The following ACSBG2 variants were observed in gnomAD, a reference collection of about 807,000 sequenced individuals.
ACSBG2 encodes the protein long-chain-fatty-acid--CoA ligase ACSBG2.
Under a neutral mutation model 74.7 loss-of-function variants are expected in ACSBG2, and 62 were observed. The observed-to-expected ratio is 0.83, with a 90% CI of 0.68 to 1.03. ACSBG2 has a LOEUF of 1.03. ACSBG2 is among the 50% of genes least tolerant of loss of function. The probability of loss-of-function intolerance (pLI) is 0.00; values close to 1 mark genes in which losing one functional copy is unlikely to be tolerated. For missense variants in ACSBG2, 730 were observed against 817.6 expected (o/e 0.89, Z 1.31); for synonymous variants, 309 against 294.1 (o/e 1.05, Z -0.52).
At chr19:6,184,837 A>AG in intron 10 of ACSBG2, among the ~76,000 whole-genome samples, 1 of 96,812 alleles carries the variant, frequency 1.0e-5, no homozygotes, top group Admixed American at 1.1e-4. Flanking sequence ...GAGATGAAAA[A>AG]AAAAAAAAAA....
chr19:6,187,740 C>T lies in ACSBG2; in HGVS notation c.1822C>T (p.Gln608Ter), dbSNP rs1429656255. ...QQDPLVYKAI[Q>*]QGINAVNQEA... Reference sequence around the variant, plus strand: ...AGACCCCCTGGTCTACAAGGCCATCCAGCAAGGCATCAATGCTGTGAACCA... The same window carrying T: ...AGACCCCCTGGTCTACAAGGCCATCTAGCAAGGCATCAATGCTGTGAACCA... Residue 608 changes from glutamine to a stop codon, truncating the protein, a stop_gained, in exon 13 of 15, where the codon CAG becomes TAG. Transcript: ENST00000588485. LOFTEE classifies it high-confidence loss of function. The T allele has an allele frequency of 6.2e-6, 10 of 1,614,126 alleles. No homozygotes were observed. Among genetic ancestry groups the T allele is most frequent in the South Asian group, 4.4e-5 (4 of 91,072 alleles).
At chr19:6,154,416 G>GAGAC in intron 4 of ACSBG2, among the ~76,000 whole-genome samples, 2 of 87,800 alleles carry the variant, frequency 2.3e-5, no homozygotes, top group South Asian at 8.4e-4. Context: ...GAGAGAGAGA[G>GAGAC]AGAGAGAGAG....
intron 3 of ACSBG2, 69 bp downstream of exon 3, chr19:6,147,744 T>G (rs1241773082): frequency 2.7e-5 from 41 of 1,503,500 alleles, no homozygotes; most frequent in Non-Finnish European, 3.6e-5. Context: ...CATACATACA[T>G]GTGGTACAAA....
intron 8 of ACSBG2, among the ~76,000 whole-genome samples, chr19:6,182,427 T>G (rs1308651844): frequency 1.3e-5 from 2 of 152,224 alleles, no homozygotes; most frequent in Non-Finnish European, 2.9e-5. Context: ...CGTGTTTCTT[T>G]GTGTGCCTGA....
chr19:6,144,599 G>A (rs1031476583), intron 2 of ACSBG2, among the ~76,000 whole-genome samples: 2 of 152,212 alleles, frequency 1.3e-5, no homozygotes, highest in Non-Finnish European at 2.9e-5. Flanking sequence ...CATTTCTGTT[G>A]TTTCAGACAC....
At position 6,171,132 on chromosome 19, in the gene ACSBG2, T is replaced by A. The variant is rs148229215; in HGVS notation, c.738+5117T>A. On this transcript the variant is annotated intron_variant, in intron 7 of 14. Transcript: ENST00000588485. ...GTCATTACATGTGAGATGGGTCTCT[T>A]GAAGGCAGCAGCAGGTTGGGTCTTA... Among the ~76,000 whole-genome samples the A allele has an allele frequency of 1.6e-4, 24 of 152,264 alleles. No homozygotes were observed. In the East Asian group the frequency reaches 1.9e-3, roughly 12 times the overall value.
At chr19:6,189,509 C>T (rs1837060202) in intron 13 of ACSBG2, among the ~76,000 whole-genome samples, 1 of 151,844 alleles carries the variant, frequency 6.6e-6, no homozygotes. Context: ...AGGGAAGTGA[C>T]TTGTCCCACT....
In ACSBG2 at chr19:6,165,949, C is replaced by A. The variant is rs775225000; in HGVS notation, c.672C>A (p.Cys224Ter). The change falls in exon 7 of 15, where the codon TGC becomes TGA. Residue 224 changes from cysteine to a stop codon, truncating the protein, a stop_gained. Transcript: ENST00000588485. LOFTEE classifies it high-confidence loss of function. ...QVIESQKANQ[C>*]AVLIYTSGTT... Reference sequence around the variant, plus strand: ...TCGAGAGCCAGAAGGCGAATCAATGCGCAGTGCTCATCTACACTTCAGGGA... The same window carrying A: ...TCGAGAGCCAGAAGGCGAATCAATGAGCAGTGCTCATCTACACTTCAGGGA... 1.9e-6 allele frequency: 3 copies of A among 1,613,954 alleles called. No homozygotes were observed. In the Admixed American group the frequency reaches 5.0e-5, roughly 27 times the overall value.
intron 10 of ACSBG2, among the ~76,000 whole-genome samples, chr19:6,184,874 G>GAAAAAAAAAAAAAAAAA (rs1305163415): frequency 1.8e-4 from 9 of 49,216 alleles, no homozygotes; most frequent in Non-Finnish European, 2.5e-4. Flanking sequence ...AAAAAAAAAC[G>GAAAAAAAAAAAAAAAAA]AAAAACAGCC....
intron 2 of ACSBG2, among the ~76,000 whole-genome samples, chr19:6,145,127 G>A (rs1022106348): frequency 1.5e-4 from 23 of 152,016 alleles, no homozygotes; most frequent in Admixed American, 2.0e-4. Flanking sequence ...GGCCGGGCGC[G>A]GTGGCTCATG....
At chr19:6,160,225 C>T (rs2089559666) in intron 5 of ACSBG2, among the ~76,000 whole-genome samples, 1 of 151,760 alleles carries the variant, frequency 6.6e-6, no homozygotes, top group South Asian at 2.1e-4. Flanking sequence ...CCCATCTCTA[C>T]TAAAACTACA....
chr19:6,165,816 G>C (rs1283768249), intron 6 of ACSBG2, 50 bp from the exon 7 acceptor site: 36 of 1,606,616 alleles, frequency 2.2e-5, no homozygotes, highest in Non-Finnish European at 3.0e-5. Context: ...GGCTGGGTGA[G>C]AGGACTCCCG....
intron 6 of ACSBG2, 74 bp from the exon 7 acceptor site, chr19:6,165,792 A>G (rs2089774632): frequency 1.3e-6 from 2 of 1,562,886 alleles, no homozygotes; most frequent in South Asian, 2.3e-5. Context: ...GGAAAAGCTG[A>G]TAGGACGAGG....
intron 7 of ACSBG2, 126 bp from the exon 8 acceptor site, chr19:6,177,103 G>C: frequency 9.8e-7 from 1 of 1,015,632 alleles, no homozygotes; most frequent in Non-Finnish European, 1.4e-6. Context: ...TGAGGCTGCA[G>C]TGAGCTGTGA....
At chr19:6,178,982 C>CAGAT (rs1169670038) in intron 8 of ACSBG2, among the ~76,000 whole-genome samples, 1 of 152,180 alleles carries the variant, frequency 6.6e-6, no homozygotes, top group African/African-American at 2.4e-5. Flanking sequence ...AACCCCAACT[C>CAGAT]AGATAGTCAT....
At chr19:6,139,390 C>T (rs2088733275) in intron 1 of ACSBG2, among the ~76,000 whole-genome samples, 1 of 152,168 alleles carries the variant, frequency 6.6e-6, no homozygotes. Context: ...CGCACCTGGC[C>T]TCAAGTTCAA....
chr19:6,163,840 G>A (rs995956628), intron 6 of ACSBG2, among the ~76,000 whole-genome samples: 1 of 148,984 alleles, frequency 6.7e-6, no homozygotes, highest in Non-Finnish European at 1.5e-5. Flanking sequence ...CAAGCTACTC[G>A]GGAGGCTAAA....
At chr19:6,154,143 C>T (rs186986035) in intron 4 of ACSBG2, among the ~76,000 whole-genome samples, 52 of 151,930 alleles carry the variant, frequency 3.4e-4, no homozygotes, top group African/African-American at 1.2e-3. Flanking sequence ...GTGGCTCATG[C>T]CTGTAATTCC....
At chr19:6,142,767 A>T (rs962985202) in intron 2 of ACSBG2, among the ~76,000 whole-genome samples, 2 of 151,392 alleles carry the variant, frequency 1.3e-5, no homozygotes, top group African/African-American at 4.9e-5. Flanking sequence ...AAAAAAAAAA[A>T]ATAGTGAAAG....
Sources: allele counts gnomAD v4.1 joint callset (sites outside exome capture counted in the v4.1 genomes callset), GRCh38; gene constraint gnomAD v4.1.1; transcripts MANE v1.5; gene names NCBI Gene and HGNC (gene_info 2026-07-23, HGNC 2026-07-21).